DIAPH1: variants seen among roughly 807,000 people sequenced by gnomAD.
The protein encoded by DIAPH1 is diaphanous related formin 1.
In DIAPH1, 46 loss-of-function variants were observed where a neutral mutation model predicts 140.7. The ratio of observed to expected loss-of-function variants is 0.33; its 90% CI spans 0.26 to 0.42. The LOEUF (loss-of-function observed/expected upper bound fraction) is 0.42, where lower values mean the gene tolerates loss of function less well. Among genes scored for constraint, DIAPH1 ranks in the 10% least tolerant of loss-of-function variants. DIAPH1 has a pLI of 1.00. For synonymous variants in DIAPH1, 565 were observed against 551.6 expected (o/e 1.02, Z -0.34); for missense variants, 1,310 against 1,558.7 (o/e 0.84, Z 2.69).
chr5:141,527,518 A>G lies in DIAPH1; in HGVS notation c.3273+55T>C, dbSNP rs369611374. 1.9e-5 allele frequency: 31 copies of G among 1,603,178 alleles called. No individual in the cohort carries two copies. In the African/African-American group the frequency reaches 3.5e-4, roughly 18 times the overall value. On this transcript the variant is annotated intron_variant, in intron 24 of 27. Transcript: ENST00000389054. Reference sequence around the variant, plus strand: ...ATCTATCCTGTTTTTCCCCCACTACAGGAAGTTTTCTTTCCCTTCCTAGGG... The same window carrying G: ...ATCTATCCTGTTTTTCCCCCACTACGGGAAGTTTTCTTTCCCTTCCTAGGG...
chr5:141,528,379 A>C, intron 23 of DIAPH1, 74 bp downstream of exon 23: 1 of 1,602,618 alleles, frequency 6.2e-7, no homozygotes, highest in Non-Finnish European at 8.5e-7. Context: ...AAATGCTCTC[A>C]CATCTAGACT....
intron 18 of DIAPH1, among the ~76,000 whole-genome samples, chr5:141,546,423 C>A (rs1412444234): frequency 2.0e-5 from 3 of 151,818 alleles, no homozygotes; most frequent in African/African-American, 4.8e-5. Context: ...TTTAGGAGGC[C>A]GAGGCAGGTG....
chr5:141,615,180 A>C (rs983364337), intron 1 of DIAPH1, among the ~76,000 whole-genome samples: 1 of 152,206 alleles, frequency 6.6e-6, no homozygotes, highest in Non-Finnish European at 1.5e-5. Flanking sequence ...TCACGCCTGT[A>C]ATCCCAGCAC....
intron 18 of DIAPH1, chr5:141,550,556 C>G (rs1297139196): frequency 6.5e-6 from 1 of 154,372 alleles, no homozygotes; most frequent in Non-Finnish European, 1.5e-5. Context: ...TAAGAACTCT[C>G]ACCCCAGCCC....
chr5:141,603,357 A>G (rs1020262643), intron 1 of DIAPH1, among the ~76,000 whole-genome samples: 1 of 152,266 alleles, frequency 6.6e-6, no homozygotes, highest in Non-Finnish European at 1.5e-5. Context: ...ATACCTCAAT[A>G]AAGCTGAGAA....
intron 1 of DIAPH1, among the ~76,000 whole-genome samples, chr5:141,604,493 C>T (rs1301719789): frequency 6.6e-6 from 1 of 152,118 alleles, no homozygotes; most frequent in Non-Finnish European, 1.5e-5. Flanking sequence ...TCCCAATCGC[C>T]GTAGCAACTG....
chr5:141,562,617 AAAC>A, intron 18 of DIAPH1, among the ~76,000 whole-genome samples: 2 of 125,396 alleles, frequency 1.6e-5, no homozygotes, highest in African/African-American at 5.4e-5. Context: ...AAAAAAAAAA[AAAC>A]AAACAAAAAA....
intron 7 of DIAPH1, 106 bp downstream of exon 7, chr5:141,582,206 T>C: frequency 2.4e-6 from 2 of 820,402 alleles, no homozygotes; most frequent in African/African-American, 3.4e-5. Flanking sequence ...AAGAGAAAGC[T>C]AGAAGTCCTG....
At chr5:141,519,111 G>A in intron 27 of DIAPH1, 1 of 973,316 alleles carries the variant, frequency 1.0e-6, no homozygotes, top group East Asian at 2.6e-5. Context: ...CCATTTATTG[G>A]ATTATGAACA....
chr5:141,523,107 T>C (rs1325682365), intron 27 of DIAPH1, among the ~76,000 whole-genome samples: 6 of 152,198 alleles, frequency 3.9e-5, no homozygotes, highest in Admixed American at 1.3e-4. Context: ...ACTGTATTAA[T>C]AGCTAAGCAC....
At chr5:141,605,788 C>T (rs555465023) in intron 1 of DIAPH1, among the ~76,000 whole-genome samples, 1 of 152,198 alleles carries the variant, frequency 6.6e-6, no homozygotes, top group African/African-American at 2.4e-5. Flanking sequence ...TGAGGGCAGC[C>T]CAATGCCTGC....
intron 18 of DIAPH1, among the ~76,000 whole-genome samples, chr5:141,557,242 G>A (rs1472905555): frequency 6.6e-6 from 1 of 152,096 alleles, no homozygotes; most frequent in Non-Finnish European, 1.5e-5. Flanking sequence ...TCTTTTAAAA[G>A]TCCTAATTTT....
In DIAPH1 at chr5:141,526,546, C is replaced by A. The variant is rs561632039; in HGVS notation, c.3274-85G>T. ...CCAAGGAATTACTCAAAGATGAGTACTGGCATGCAAAGGGATGTTCAATAC... is the reference window on the plus strand; with the variant it reads ...CCAAGGAATTACTCAAAGATGAGTAATGGCATGCAAAGGGATGTTCAATAC... On this transcript the variant is annotated intron_variant, in intron 24 of 27. Transcript: ENST00000389054. 8.5e-6 allele frequency: 13 copies of A among 1,521,764 alleles called. No homozygotes were observed. The African/African-American group carries it at 1.6e-4, about 19-fold the overall frequency. The allele number at this position is 1,521,764 out of a possible 1,614,324, so 94.3% of individuals were successfully genotyped here.
In DIAPH1 at chr5:141,515,660, T is replaced by C. The variant is rs139786021; in HGVS notation, c.*1191A>G. Reference sequence around the variant, plus strand: ...GCATCTGCACATTTGGCTTGATACATTTATACATTTATAAAAAACTCTGTG... The same window carrying C: ...GCATCTGCACATTTGGCTTGATACACTTATACATTTATAAAAAACTCTGTG... On this transcript the variant is annotated 3_prime_UTR_variant, in exon 28 of 28. Transcript: ENST00000389054. The C allele has an allele frequency of 9.7e-4, 147 of 152,298 alleles. 2 individuals are homozygous for C. Among genetic ancestry groups the C allele is most frequent in the Middle Eastern group, 3.4e-3 (1 of 294 alleles). The allele number at this position is 152,298 out of a possible 1,614,324, so 9.4% of individuals were successfully genotyped here. A position where few individuals can be genotyped will look rare whatever the true frequency, so the allele number is the denominator to read the frequency against.
chr5:141,529,148 C>CT, intron 21 of DIAPH1, 24 bp downstream of exon 21: 1 of 1,607,556 alleles, frequency 6.2e-7, no homozygotes, highest in Non-Finnish European at 8.5e-7. Context: ...TGGAAAACCG[C>CT]TTACTGCCAC....
Position 141,526,320 on chromosome 5 carries a change from G to A in DIAPH1, c.3415C>T (p.His1139Tyr). 1 of 1,614,212 alleles carries A rather than the reference G, an allele frequency of 6.2e-7. No homozygotes were observed. The highest frequency in any genetic ancestry group is 2.2e-5 in the East Asian group (1 of 44,884). Reference protein sequence around the residue: ...LSVEEFFMDLHNFRNMFLQAV... With the variant: ...LSVEEFFMDLYNFRNMFLQAV... ...ACCAAAAACATATTCCGAAAATTGT[G>A]AAGATCCATGAAAAATTCTTCAACA... Residue 1139 changes from histidine to tyrosine, a missense_variant, in exon 25 of 28, where the codon CAC becomes TAC. Coordinates refer to ENST00000389054, the MANE Select transcript of DIAPH1 (RefSeq NM_005219.5).
chr5:141,618,231 G>C (rs1194458722), intron 1 of DIAPH1, among the ~76,000 whole-genome samples: 1 of 152,242 alleles, frequency 6.6e-6, no homozygotes, highest in Non-Finnish European at 1.5e-5. Flanking sequence ...CAAAGAAGGA[G>C]TTGGGGGTAG....
chr5:141,587,617 A>G, intron 2 of DIAPH1: 1 of 245,696 alleles, frequency 4.1e-6, no homozygotes. Context: ...TTCAAGAGGT[A>G]TTACTACAGA....
intron 26 of DIAPH1, among the ~76,000 whole-genome samples, chr5:141,525,316 T>C (rs146622060): frequency 0.011 from 1,744 of 152,062 alleles, 26 homozygotes; most frequent in African/African-American, 0.028. Context: ...CCCTCAGGTT[T>C]AGAGGAGGGT....
Sources: allele counts gnomAD v4.1 joint callset (sites outside exome capture counted in the v4.1 genomes callset), GRCh38; gene constraint gnomAD v4.1.1; transcripts MANE v1.5; gene names NCBI Gene and HGNC (gene_info 2026-07-23, HGNC 2026-07-21).